Variants in SMG1 observed in about 807,000 individuals in gnomAD.
SMG1 encodes the protein serine/threonine-protein kinase SMG1.
SMG1 carries 22 observed loss-of-function variants against 419.9 expected under a neutral mutation model. That is an observed-to-expected ratio of 0.05 (90% CI 0.04 to 0.07). The LOEUF (loss-of-function observed/expected upper bound fraction) is 0.07, where lower values mean the gene tolerates loss of function less well. SMG1 is among the 10% of genes least tolerant of loss of function. SMG1 has a pLI of 1.00. For missense variants in SMG1, 3,185 were observed against 4,342.0 expected (o/e 0.73, Z 7.49); for synonymous variants, 1,538 against 1,553.5 (o/e 0.99, Z 0.23).
intron 55 of SMG1, among the ~76,000 whole-genome samples, chr16:18,820,672 G>C (rs999787864): frequency 6.6e-6 from 1 of 152,154 alleles, no homozygotes; most frequent in African/African-American, 2.4e-5. Context: ...ATCATAAAGA[G>C]GAAGAGTTCA....
rs773894570 is a variant in SMG1, at chr16:18,838,659, T to C, written c.6976A>G (p.Met2326Val). 3.8e-5 allele frequency: 62 copies of C among 1,611,220 alleles called. No individual in the cohort carries two copies. Among genetic ancestry groups the C allele is most frequent in the Non-Finnish European group, 4.4e-5 (52 of 1,178,730 alleles). The change falls in exon 43 of 63, where the codon ATG becomes GTG. Residue 2326 changes from methionine (M) to valine (V), a missense_variant. Physicochemically the swap from Met to Val is conservative, Grantham distance 21. Coordinates refer to ENST00000446231, the MANE Select transcript of SMG1 (RefSeq NM_015092.5). Reference sequence around the variant, plus strand: ...CCAAGGCCAATTATGTATCCAACCATAGACATGACTGCAGTAGATCTTGCA... The same window carrying C: ...CCAAGGCCAATTATGTATCCAACCACAGACATGACTGCAGTAGATCTTGCA... ...SYARSTAVMSMVGYIIGLGDR... is the reference protein window; with the variant it reads ...SYARSTAVMSVVGYIIGLGDR...
intron 39 of SMG1, 90 bp downstream of exon 39, chr16:18,845,339 T>C (rs748972256): frequency 2.7e-6 from 3 of 1,108,260 alleles, no homozygotes; most frequent in Non-Finnish European, 3.9e-6. Context: ...ATCTCTTACA[T>C]TCCAAGTAAG....
At chr16:18,921,289 T>C (rs559297312) in intron 1 of SMG1, among the ~76,000 whole-genome samples, 1 of 152,136 alleles carries the variant, frequency 6.6e-6, no homozygotes, top group African/African-American at 2.4e-5. Context: ...AAGGCTGCAG[T>C]GAGCAGTGAT....
intron 51 of SMG1, among the ~76,000 whole-genome samples, chr16:18,831,756 A>G (rs1186700841): frequency 9.7e-5 from 2 of 20,690 alleles, no homozygotes; most frequent in Non-Finnish European, 2.5e-4. Flanking sequence ...CTCCATCTCA[A>G]AAAAAAAAAA....
Position 18,896,976 on chromosome 16 carries a change from T to C in SMG1, c.93-20A>G, listed in dbSNP as rs764775621. On this transcript the variant is annotated intron_variant, in intron 1 of 62. Transcript: ENST00000446231. ...TCAGTTCTATAAAAAGAGAAAAGTT[T>C]AAGATTAGAACTTTAAATAACATAA... The C allele has an allele frequency of 6.8e-7, 1 of 1,478,996 alleles. No individual in the cohort carries two copies. Among genetic ancestry groups the C allele is most frequent in the South Asian group, 1.3e-5 (1 of 79,370 alleles). 91.6% of individuals were successfully genotyped at this position (1,478,996 alleles called of 1,614,324 possible). A position where few individuals can be genotyped will look rare whatever the true frequency, so the allele number is the denominator to read the frequency against.
intron 48 of SMG1, among the ~76,000 whole-genome samples, 173 bp downstream of exon 48, chr16:18,835,760 C>T (rs963643479): frequency 6.6e-6 from 1 of 152,036 alleles, no homozygotes; most frequent in African/African-American, 2.4e-5. Flanking sequence ...AAAAATTAGC[C>T]GGGCTTGGTG....
chr16:18,868,142 C>T (rs1414982184), intron 22 of SMG1, 48 bp downstream of exon 22: 7 of 1,505,638 alleles, frequency 4.6e-6, no homozygotes, highest in East Asian at 4.7e-5. Flanking sequence ...TTAAACCATG[C>T]TTTTCTTATT....
chr16:18,876,102 G>A (rs2036118479), intron 13 of SMG1, 22 bp downstream of exon 13: 2 of 1,610,592 alleles, frequency 1.2e-6, no homozygotes, highest in Non-Finnish European at 1.7e-6. Context: ...ATAAAACAAA[G>A]TCATTACAAT....
At chr16:18,865,985 A>G (rs1483272743) in intron 23 of SMG1, among the ~76,000 whole-genome samples, 2 of 151,938 alleles carry the variant, frequency 1.3e-5, no homozygotes, top group Non-Finnish European at 2.9e-5. Context: ...TTTTTTTTTA[A>G]TATTGAGTGG....
Position 18,842,333 on chromosome 16 carries a change from G to A in SMG1, c.6341C>T (p.Ser2114Leu). ...ATGGATTGTGACAGTGTCTCTGGCT[G>A]AGACTTCCCCAGGAAGAGCAATTTC... The part of the protein sequence containing the change: ...NTEIALPGEV[S>L]ARDTVTIHSV... The change falls in exon 40 of 63, where the codon TCA (serine) becomes TTA (leucine). Residue 2114 changes from serine to leucine, a missense_variant. By Grantham distance (145) the Ser-to-Leu change is moderately radical (BLOSUM62 -2). This residue lies in a region of SMG1 where 159 missense variants were observed against 196.0 expected (regional missense o/e 0.81). Coordinates refer to ENST00000446231, the MANE Select transcript of SMG1 (RefSeq NM_015092.5). The A allele has an allele frequency of 6.2e-7, 1 of 1,614,014 alleles. No individual in the cohort carries two copies. The highest frequency in any genetic ancestry group is 1.3e-5 in the African/African-American group (1 of 75,042).
chr16:18,891,588 C>T (rs1318035787), intron 4 of SMG1, among the ~76,000 whole-genome samples: 1 of 152,144 alleles, frequency 6.6e-6, no homozygotes, highest in Non-Finnish European at 1.5e-5. Flanking sequence ...GCATGTGCCA[C>T]CACGCCCAGC....
At chr16:18,913,452 A>C (rs1432483526) in intron 1 of SMG1, among the ~76,000 whole-genome samples, 1 of 152,134 alleles carries the variant, frequency 6.6e-6, no homozygotes, top group African/African-American at 2.4e-5. Context: ...TTAATTAATA[A>C]ATTTAAATGA....
At chr16:18,858,983 T>C in intron 28 of SMG1, 39 bp downstream of exon 28, 4 of 1,192,986 alleles carry the variant, frequency 3.4e-6, no homozygotes, top group Non-Finnish European at 4.6e-6. Context: ...GTAATGACCA[T>C]TAATAGTCAT....
In SMG1 at chr16:18,808,579, G is replaced by A. The variant is rs1437232470; in HGVS notation, c.*990C>T. The stretch of plus-strand genomic sequence containing the variant: ...AAGAAACTACAGCTATCACAGAAGA[G>A]GGAAAATTTGAATGACCTCCAAAAA... On this transcript the variant is annotated 3_prime_UTR_variant, in exon 63 of 63. Coordinates refer to ENST00000446231, the MANE Select transcript of SMG1 (RefSeq NM_015092.5). The A allele has an allele frequency of 6.6e-6, 1 of 152,340 alleles. No individual in the cohort carries two copies. Among genetic ancestry groups the A allele is most frequent in the Non-Finnish European group, 1.5e-5 (1 of 68,014 alleles). 9.4% of individuals were successfully genotyped at this position (152,340 alleles called of 1,614,324 possible).
chr16:18,839,790 C>T lies in SMG1; in HGVS notation c.6853G>A (p.Glu2285Lys), dbSNP rs758455654. The change falls in exon 42 of 63, where the codon GAA becomes AAA. Residue 2285 changes from glutamate (E) to lysine (K), a missense_variant. By Grantham distance (56) the Glu-to-Lys change is moderately conservative. Transcript: ENST00000446231. ...WPLHVMKAVL[E>K]ELMEATPPNL... Reference sequence around the variant, plus strand: ...GGGGGTGTGGCCTCCATTAACTCTTCCAATACTGCCTTCATTACATGAAGA... The same window carrying T: ...GGGGGTGTGGCCTCCATTAACTCTTTCAATACTGCCTTCATTACATGAAGA... 1 of 1,613,970 alleles carries T rather than the reference C, an allele frequency of 6.2e-7. No individual in the cohort carries two copies. The highest frequency in any genetic ancestry group is 2.2e-5 in the East Asian group (1 of 44,882).
rs1379260356 is a variant in SMG1, at chr16:18,868,598, C to T, written c.2955G>A (p.Gln985=). 1 of 1,594,796 alleles carries T rather than the reference C, an allele frequency of 6.3e-7. No individual in the cohort carries two copies. Among genetic ancestry groups the T allele is most frequent in the East Asian group, 2.2e-5 (1 of 44,886 alleles). Residue 985 remains glutamine, a synonymous_variant, in exon 21 of 63, where the codon CAG becomes CAA. Transcript: ENST00000446231. ...NNQLRLVLLL[Q]YLENLEKLMY... ...TTAATTTCTCCAGATTTTCCAGATACTGCAGAAGAAGAACAAGTCTAAGTT... is the reference window on the plus strand; with the variant it reads ...TTAATTTCTCCAGATTTTCCAGATATTGCAGAAGAAGAACAAGTCTAAGTT...
chr16:18,844,474 TACACACACAC>T (rs71141074), intron 39 of SMG1, among the ~76,000 whole-genome samples: 4 of 4,170 alleles, frequency 9.6e-4, no homozygotes, highest in African/African-American at 2.7e-3. Context: ...CCCGCCCACC[TACACACACAC>T]ACACACACAC....
rs2032877631 is a variant in SMG1 at position 18,828,053 on chromosome 16, T to G, written c.9719A>C (p.Glu3240Ala). 1.2e-6 allele frequency: 2 copies of G among 1,612,634 alleles called. No individual in the cohort carries two copies. The highest frequency in any genetic ancestry group is 2.7e-5 in the African/African-American group (2 of 74,870). The part of the protein sequence containing the change: ...KKKLHTLSQI[E>A]TSIATVQEKL... ...CACCTGAACTGTTGCAATAGAAGTT[T>G]CAATCTGGCTCAGGGTATGCAGCTT... is the stretch of plus-strand genomic sequence containing the variant. Residue 3240 changes from glutamate to alanine, a missense_variant, in exon 55 of 63, where the codon GAA becomes GCA. Glu to Ala is a moderately radical substitution (Grantham distance 107). Around this residue, in one of 27 missense-constraint regions of SMG1, gnomAD observed 737 missense variants for 846.6 expected, o/e 0.87. Transcript: ENST00000446231.
intron 60 of SMG1, among the ~76,000 whole-genome samples, chr16:18,813,441 T>A (rs1264264187): frequency 2.0e-5 from 3 of 152,260 alleles, no homozygotes; most frequent in African/African-American, 7.2e-5. Flanking sequence ...CATTTTTTCA[T>A]GTGTCTGTTG....
Sources: gnomAD v4.1 joint callset for allele counts (sites outside exome capture counted in the v4.1 genomes callset) on GRCh38, gnomAD v4.1.1 for gene constraint, gnomAD v4.1.1 regional missense constraint, MANE v1.5 for transcripts, NCBI Gene and HGNC (gene_info 2026-07-23, HGNC 2026-07-21) for gene names.